Variants in KNTC1 observed in about 807,000 individuals in gnomAD.
KNTC1 encodes kinetochore associated 1.
A neutral mutation model predicts 314.4 loss-of-function variants in KNTC1; 253 were observed. The ratio of observed to expected loss-of-function variants is 0.80; its 90% CI spans 0.73 to 0.89. The LOEUF (loss-of-function observed/expected upper bound fraction) is 0.89. KNTC1 is among the 40% of genes least tolerant of loss of function. KNTC1 has a pLI of 0.00. For synonymous variants in KNTC1, 901 were observed against 901.4 expected (o/e 1.00, Z 0.01); for missense variants, 2,475 against 2,572.9 (o/e 0.96, Z 0.82).
At chr12:122,573,435 T>C (rs1964823731) in intron 26 of KNTC1, 150 bp downstream of exon 26, 1 of 735,792 alleles carries the variant, frequency 1.4e-6, no homozygotes, top group African/African-American at 1.8e-5. Context: ...TTAATTCTGC[T>C]ACTAACCATC....
chr12:122,540,574 T>A (rs1025363243), intron 5 of KNTC1, among the ~76,000 whole-genome samples: 1 of 152,188 alleles, frequency 6.6e-6, no homozygotes, highest in Non-Finnish European at 1.5e-5. Context: ...TATATACTTT[T>A]CCTAAATATA....
At chr12:122,549,611 C>A (rs1318166789) in intron 12 of KNTC1, among the ~76,000 whole-genome samples, 155 bp from the exon 13 acceptor site, 1 of 152,206 alleles carries the variant, frequency 6.6e-6, no homozygotes, top group African/African-American at 2.4e-5. Flanking sequence ...GGCAATCCGC[C>A]TGCCTCAGCC....
chr12:122,532,538 A>T (rs1359389046), intron 2 of KNTC1, among the ~76,000 whole-genome samples: 1 of 152,168 alleles, frequency 6.6e-6, no homozygotes, highest in East Asian at 1.9e-4. Context: ...GAGCCTTAAA[A>T]CGTGGAAGTG....
chr12:122,578,438 T>A (rs1965175589), intron 31 of KNTC1, among the ~76,000 whole-genome samples: 1 of 152,092 alleles, frequency 6.6e-6, no homozygotes, highest in African/African-American at 2.4e-5. Context: ...CTTTTCTTTT[T>A]TGAGACAAGA....
chr12:122,571,053 T>G lies in KNTC1; in HGVS notation c.1946T>G (p.Leu649Trp). The G allele has an allele frequency of 6.2e-7, 1 of 1,613,704 alleles. No homozygotes were observed. Among genetic ancestry groups the G allele is most frequent in the African/African-American group, 1.3e-5 (1 of 75,038 alleles). The change falls in exon 24 of 64, where the codon TTG becomes TGG. Residue 649 changes from leucine to tryptophan, a missense_variant. By Grantham distance (61) the Leu-to-Trp change is moderately conservative (BLOSUM62 -2). Coordinates refer to ENST00000333479, the MANE Select transcript of KNTC1 (RefSeq NM_014708.6). ...AATTGGCCAGAAAATGGACTTCAAT[T>G]GGCAGAGATATTTTTTACAGCAGAA... is the stretch of plus-strand genomic sequence containing the variant. ...KANWPENGLQ[L>W]AEIFFTAEKT...
chr12:122,581,886 G>A (rs1310753482), intron 33 of KNTC1, among the ~76,000 whole-genome samples: 1 of 152,198 alleles, frequency 6.6e-6, no homozygotes. Context: ...TACATTCACA[G>A]TGTTGTGCAG....
chr12:122,580,315 A>C lies in KNTC1; in HGVS notation c.2915-288A>C, dbSNP rs114858097. Among the ~76,000 whole-genome samples, 428 of 152,362 alleles carry C rather than the reference A, an allele frequency of 2.8e-3. 3 individuals are homozygous for C. Among genetic ancestry groups the C allele is most frequent in the African/African-American group, 9.9e-3 (410 of 41,572 alleles). On this transcript the variant is annotated intron_variant, in intron 32 of 63. Coordinates refer to ENST00000333479, the MANE Select transcript of KNTC1 (RefSeq NM_014708.6). ...GAAGCCATTTGACTGGAAGTTAAAT[A>C]AAACAGTGAAGAAAGTAACTTTCCA...
At chr12:122,603,684 G>T (rs934683710) in intron 48 of KNTC1, among the ~76,000 whole-genome samples, 2 of 151,980 alleles carry the variant, frequency 1.3e-5, no homozygotes, top group African/African-American at 4.8e-5. Flanking sequence ...GTAGAGATGG[G>T]GTTTCACCAT....
intron 53 of KNTC1, chr12:122,611,313 C>G (rs1431205572): frequency 6.3e-6 from 1 of 159,628 alleles, no homozygotes; most frequent in East Asian, 1.8e-4. Context: ...GCAATTTCCC[C>G]TAACGGCAAT....
At chr12:122,580,107 C>T in intron 32 of KNTC1, 130 bp downstream of exon 32, 1 of 629,040 alleles carries the variant, frequency 1.6e-6, no homozygotes, top group Middle Eastern at 2.5e-4. Context: ...TGATCTTACC[C>T]ATTTTGCTTC....
At chr12:122,622,970 T>A (rs1319952354) in intron 62 of KNTC1, among the ~76,000 whole-genome samples, 2 of 152,100 alleles carry the variant, frequency 1.3e-5, no homozygotes, top group Non-Finnish European at 2.9e-5. Flanking sequence ...AATCTATCTT[T>A]ATGTTGGAGC....
Position 122,550,376 on chromosome 12 carries a change from A to G in KNTC1, c.1086+512A>G, listed in dbSNP as rs150057206. 6.6e-4 allele frequency among the ~76,000 whole-genome samples: 101 copies of G among 152,306 alleles called. 2 individuals are homozygous for G. The East Asian group carries it at 0.018, about 27-fold the overall frequency. ...CATACTCAGAAAATGTAACTCAAAT[A>G]CAGTATTATTTATTATAAACTCTTC... On this transcript the variant is annotated intron_variant, in intron 13 of 63. Transcript: ENST00000333479.
intron 20 of KNTC1, among the ~76,000 whole-genome samples, chr12:122,564,765 C>T (rs1051963064): frequency 6.6e-6 from 1 of 152,226 alleles, no homozygotes; most frequent in African/African-American, 2.4e-5. Flanking sequence ...AGGTACCACG[C>T]CCAGTGCTCA....
intron 5 of KNTC1, among the ~76,000 whole-genome samples, chr12:122,540,298 G>C (rs895583838): frequency 6.7e-6 from 1 of 149,898 alleles, no homozygotes; most frequent in South Asian, 2.1e-4. Context: ...TCAGCCTCCC[G>C]AGTAGCTGGG....
intron 59 of KNTC1, among the ~76,000 whole-genome samples, chr12:122,619,053 T>G (rs1050413973): frequency 6.8e-6 from 1 of 148,126 alleles, no homozygotes; most frequent in African/African-American, 2.5e-5. Flanking sequence ...TTGTTTTTTG[T>G]TTTTGTTTTG....
At chr12:122,528,540 C>T (rs530249667) in intron 1 of KNTC1, among the ~76,000 whole-genome samples, 41 of 152,210 alleles carry the variant, frequency 2.7e-4, no homozygotes, top group African/African-American at 8.9e-4. Flanking sequence ...GTGAGACCCT[C>T]GTCTCTCAAA....
intron 18 of KNTC1, among the ~76,000 whole-genome samples, chr12:122,560,415 C>T (rs1479099309): frequency 1.3e-5 from 2 of 152,122 alleles, no homozygotes; most frequent in African/African-American, 4.8e-5. Context: ...GTCTCCCAGG[C>T]TAGAGTGCAA....
At chr12:122,600,098 TTTG>T (rs897509313) in intron 44 of KNTC1, among the ~76,000 whole-genome samples, 20 of 152,122 alleles carry the variant, frequency 1.3e-4, no homozygotes, top group Admixed American at 2.6e-4. Flanking sequence ...TGTTTTTGTT[TTTG>T]TTGTTGTTGT....
At chr12:122,535,731 G>C (rs962821812) in intron 3 of KNTC1, among the ~76,000 whole-genome samples, 1 of 151,702 alleles carries the variant, frequency 6.6e-6, no homozygotes, top group African/African-American at 2.4e-5. Context: ...CAGGAGAATC[G>C]CTTGATCCCA....
Sources: gnomAD v4.1 joint callset for allele counts (sites outside exome capture counted in the v4.1 genomes callset) on GRCh38, gnomAD v4.1.1 for gene constraint, MANE v1.5 for transcripts, NCBI Gene and HGNC (gene_info 2026-07-23, HGNC 2026-07-21) for gene names.